SLC35F2: variants seen among roughly 807,000 people sequenced by gnomAD.
The protein encoded by SLC35F2 is queuine/queuosine transporter SLC35F2.
In SLC35F2, 25 loss-of-function variants were observed where a neutral mutation model predicts 38.1. The observed-to-expected ratio is 0.66, with a 90% confidence interval of 0.48 to 0.92. The LOEUF (loss-of-function observed/expected upper bound fraction) is 0.92, where lower values mean the gene tolerates loss of function less well. Among genes scored for constraint, SLC35F2 ranks in the 40% least tolerant of loss-of-function variants. The pLI is 0.00. For synonymous variants in SLC35F2, 173 were observed against 181.7 expected, an observed-to-expected ratio of 0.95 and a Z score of 0.38; for missense variants, 409 against 452.9, an observed-to-expected ratio of 0.90 and a Z score of 0.88.
intron 1 of SLC35F2, among the ~76,000 whole-genome samples, chr11:107,840,945 T>C (rs1035433583): frequency 6.6e-6 from 1 of 151,940 alleles, no homozygotes; most frequent in African/African-American, 2.4e-5. Context: ...GCGAGGAGAT[T>C]TCCTATGAGT....
chr11:107,806,470 T>C (rs1436805556), intron 4 of SLC35F2: 1 of 440,410 alleles, frequency 2.3e-6, no homozygotes, highest in East Asian at 4.8e-5. Flanking sequence ...GATTTTATAG[T>C]ATCAACTGTA....
chr11:107,802,986 G>C lies in SLC35F2; in HGVS notation c.939+15C>G. 6.3e-7 allele frequency: 1 copy of C among 1,593,418 alleles called. No individual in the cohort carries two copies. The highest frequency in any genetic ancestry group is 8.5e-7 in the Non-Finnish European group (1 of 1,172,992). On this transcript the variant is annotated intron_variant, in intron 7 of 7. Coordinates refer to ENST00000525815, the MANE Select transcript of SLC35F2 (RefSeq NM_017515.5). ...CAAGCAAGTATTCTTATTTGAACGT[G>C]ATCTATTTGTTTACCTTATAGCCAA...
In SLC35F2 at chr11:107,826,416, G is replaced by GT. The variant is rs369854304; in HGVS notation, c.111-10452dup. Among the ~76,000 whole-genome samples the GT allele has an allele frequency of 6.9e-3, 1,041 of 151,940 alleles. 10 individuals carry two copies. The highest frequency in any genetic ancestry group is 0.024 in the African/African-American group (998 of 41,402). On this transcript the variant is annotated intron_variant, in intron 1 of 7. Transcript: ENST00000525815. ...TGTGCCACCACGTCCAACCAATTTT[G>GT]TATTTTTAGTAGAGATAGGGTTTCT... is the stretch of plus-strand genomic sequence containing the variant.
chr11:107,803,351 G>A, intron 6 of SLC35F2, 196 bp from the exon 7 acceptor site: 1 of 985,246 alleles, frequency 1.0e-6, no homozygotes, highest in Non-Finnish European at 1.2e-6. Flanking sequence ...TTGTGATGTA[G>A]ATAAAGGACC....
chr11:107,806,951 G>C, intron 3 of SLC35F2, 75 bp from the exon 4 acceptor site: 1 of 1,365,052 alleles, frequency 7.3e-7, no homozygotes, highest in East Asian at 2.3e-5. Flanking sequence ...GAAATAATAG[G>C]AGTCAGTATT....
chr11:107,807,305 T>G (rs1411437600), intron 3 of SLC35F2, among the ~76,000 whole-genome samples: 1 of 91,520 alleles, frequency 1.1e-5, no homozygotes, highest in Non-Finnish European at 2.6e-5. Flanking sequence ...AAAAAAAACC[T>G]TGGGTGTGGT....
At chr11:107,833,734 T>A (rs1456227382) in intron 1 of SLC35F2, among the ~76,000 whole-genome samples, 3 of 152,152 alleles carry the variant, frequency 2.0e-5, no homozygotes, top group Non-Finnish European at 4.4e-5. Context: ...GTCTTTTATT[T>A]AAGCCAGCAG....
At chr11:107,809,940 A>C in intron 3 of SLC35F2, 2 of 985,412 alleles carry the variant, frequency 2.0e-6, no homozygotes, top group Non-Finnish European at 2.4e-6. Context: ...ATGTGGCAGT[A>C]AAGTGGGAAG....
chr11:107,829,843 C>A (rs1859808836), intron 1 of SLC35F2, among the ~76,000 whole-genome samples: 1 of 152,058 alleles, frequency 6.6e-6, no homozygotes, highest in African/African-American at 2.4e-5. Flanking sequence ...TAAACATAGG[C>A]AACAAACTAT....
chr11:107,831,903 G>A (rs1028464184), intron 1 of SLC35F2, among the ~76,000 whole-genome samples: 2 of 152,166 alleles, frequency 1.3e-5, no homozygotes, highest in African/African-American at 4.8e-5. Flanking sequence ...CTAGAAATAT[G>A]TTCATAAGGT....
intron 1 of SLC35F2, among the ~76,000 whole-genome samples, chr11:107,841,525 T>C (rs796878647): frequency 4.5e-5 from 6 of 133,208 alleles, no homozygotes; most frequent in African/African-American, 1.7e-4. Flanking sequence ...ACTGTGCCAC[T>C]GCACTCCAGC....
At chr11:107,858,259 T>C (rs1490556852) in intron 1 of SLC35F2, among the ~76,000 whole-genome samples, 2 of 152,220 alleles carry the variant, frequency 1.3e-5, no homozygotes, top group Admixed American at 6.5e-5. Flanking sequence ...GCAGATGGAA[T>C]GAGGGCGCCG....
At chr11:107,858,376 C>A in intron 1 of SLC35F2, 1 of 266,770 alleles carries the variant, frequency 3.7e-6, no homozygotes, top group Non-Finnish European at 6.8e-6. Flanking sequence ...CCCAGAGGAC[C>A]GACCTAATAG....
chr11:107,841,110 C>T (rs542931), intron 1 of SLC35F2, among the ~76,000 whole-genome samples: 1,828 of 152,120 alleles, frequency 0.012, 13 homozygotes, highest in Non-Finnish European at 0.02. Context: ...CACACAAGAA[C>T]GAGGATTATC....
chr11:107,806,883 G>A lies in SLC35F2; in HGVS notation c.415-7C>T, dbSNP rs769040108. On this transcript the variant is annotated splice_region_variant and splice_polypyrimidine_tract_variant and intron_variant, in intron 3 of 7. Coordinates refer to ENST00000525815, the MANE Select transcript of SLC35F2 (RefSeq NM_017515.5). ...TCCCAAAGCAATCCAAAAGCTGCAT[G>A]GAAAGAGAATCAACAGTTTAAAACA... 9.3e-6 allele frequency: 15 copies of A among 1,611,876 alleles called. No individual in the cohort carries two copies. The highest frequency in any genetic ancestry group is 1.2e-5 in the Non-Finnish European group (14 of 1,178,716).
At chr11:107,798,112 T>C (rs1859249775) in intron 7 of SLC35F2, among the ~76,000 whole-genome samples, 1 of 152,148 alleles carries the variant, frequency 6.6e-6, no homozygotes. Flanking sequence ...CAAGCAATTC[T>C]TGTGCCTCGG....
intron 7 of SLC35F2, among the ~76,000 whole-genome samples, chr11:107,797,937 G>A (rs1263542845): frequency 6.6e-6 from 1 of 152,074 alleles, no homozygotes; most frequent in African/African-American, 2.4e-5. Context: ...GAATATTAGG[G>A]GAAGTTAGAG....
At chr11:107,814,585 T>C (rs1446726584) in intron 2 of SLC35F2, among the ~76,000 whole-genome samples, 4 of 152,082 alleles carry the variant, frequency 2.6e-5, no homozygotes, top group Admixed American at 1.3e-4. Flanking sequence ...TAATGGTAAA[T>C]GTATGCATTG....
chr11:107,830,721 A>T (rs2134824054), intron 1 of SLC35F2, among the ~76,000 whole-genome samples: 1 of 152,242 alleles, frequency 6.6e-6, no homozygotes, highest in South Asian at 2.1e-4. Context: ...CCAAAACATC[A>T]CATGTATTTG....
Sources: allele counts gnomAD v4.1 joint callset (sites outside exome capture counted in the v4.1 genomes callset), GRCh38; gene constraint gnomAD v4.1.1; transcripts MANE v1.5; gene names NCBI Gene and HGNC (gene_info 2026-07-23, HGNC 2026-07-21).